Variants in SCHIP1 observed in about 807,000 individuals in gnomAD.
SCHIP1 encodes the protein schwannomin interacting protein 1, also known as schwannomin-interacting protein 1.
Under a neutral mutation model 29.7 loss-of-function variants are expected in SCHIP1, and 8 were observed. The ratio of observed to expected loss-of-function variants is 0.27; its 90% CI spans 0.16 to 0.49. SCHIP1 has a LOEUF of 0.49. SCHIP1 is among the 20% of genes least tolerant of loss of function. The pLI is 0.99. For missense variants in SCHIP1, 193 were observed against 294.6 expected (o/e 0.66, Z 2.52); for synonymous variants, 76 against 94.9 (o/e 0.80, Z 1.16).
At chr3:159,876,274 C>A (rs1296904795) in intron 2 of SCHIP1, among the ~76,000 whole-genome samples, 1 of 152,158 alleles carries the variant, frequency 6.6e-6, no homozygotes. Context: ...CACTTATCAA[C>A]ATGTTTCGGG....
the SCHIP1 span, among the ~76,000 whole-genome samples, chr3:159,629,376 C>T: frequency 6.6e-6 from 1 of 152,182 alleles, no homozygotes; most frequent in Non-Finnish European, 1.5e-5. Flanking sequence ...ATTTGCTTTT[C>T]CAAAGATGAG....
the SCHIP1 span, among the ~76,000 whole-genome samples, chr3:159,372,165 C>CTGT: frequency 6.6e-6 from 1 of 152,024 alleles, no homozygotes; most frequent in African/African-American, 2.4e-5. Context: ...TAATTAAAAG[C>CTGT]TGTTATCTCT....
chr3:159,355,011 G>A, the SCHIP1 span, among the ~76,000 whole-genome samples: 1 of 152,062 alleles, frequency 6.6e-6, no homozygotes, highest in Non-Finnish European at 1.5e-5. Flanking sequence ...CTAAACTTTT[G>A]GCTGTATTTA....
At chr3:159,672,273 A>G in the SCHIP1 span, among the ~76,000 whole-genome samples, 1 of 152,240 alleles carries the variant, frequency 6.6e-6, no homozygotes, top group East Asian at 1.9e-4. Flanking sequence ...CAATTCTTGG[A>G]ACATAGTAAG....
At chr3:159,432,016 T>A in the SCHIP1 span, among the ~76,000 whole-genome samples, 1 of 152,038 alleles carries the variant, frequency 6.6e-6, no homozygotes, top group African/African-American at 2.4e-5. Flanking sequence ...ACTATAAGCA[T>A]TTATTATCTC....
At chr3:159,699,145 A>G in the SCHIP1 span, among the ~76,000 whole-genome samples, 7 of 152,218 alleles carry the variant, frequency 4.6e-5, no homozygotes, top group Admixed American at 4.6e-4. Flanking sequence ...TGAGTATGGG[A>G]ATATGCTAAC....
chr3:159,438,226 G>A, the SCHIP1 span, among the ~76,000 whole-genome samples: 2 of 152,074 alleles, frequency 1.3e-5, no homozygotes, highest in South Asian at 4.1e-4. Flanking sequence ...TATAGGGCTG[G>A]GATTAAGCCC....
chr3:159,545,434 G>A, the SCHIP1 span, among the ~76,000 whole-genome samples: 1 of 151,764 alleles, frequency 6.6e-6, no homozygotes, highest in African/African-American at 2.4e-5. Flanking sequence ...TCTAGTGCTG[G>A]ATGCTTCCTG....
chr3:159,637,371 CCACACACACACACACACACACA>C, the SCHIP1 span, among the ~76,000 whole-genome samples: 22 of 134,660 alleles, frequency 1.6e-4, no homozygotes, highest in South Asian at 5.4e-4. Flanking sequence ...CCGGCCCCAG[CCACACACACACACACACACACA>C]CACACACACA....
chr3:159,274,017 T>A, the SCHIP1 span: 1 of 1,485,192 alleles, frequency 6.7e-7, no homozygotes, highest in East Asian at 2.5e-5. Flanking sequence ...AAATTCAGAA[T>A]TAAGCATTTA....
chr3:159,569,333 A>G, the SCHIP1 span, among the ~76,000 whole-genome samples: 1 of 151,980 alleles, frequency 6.6e-6, no homozygotes, highest in African/African-American at 2.4e-5. Context: ...CCACACACCA[A>G]CAGGCCCCAG....
the SCHIP1 span, among the ~76,000 whole-genome samples, chr3:159,641,847 A>T: frequency 1.5e-4 from 23 of 152,176 alleles, no homozygotes; most frequent in African/African-American, 5.1e-4. Context: ...ATTGTAGTAC[A>T]AAGGAAGTCC....
At chr3:159,483,961 AAT>A in the SCHIP1 span, among the ~76,000 whole-genome samples, 1 of 152,296 alleles carries the variant, frequency 6.6e-6, no homozygotes, top group South Asian at 2.1e-4. Flanking sequence ...TTAAAAAAAC[AAT>A]ATTTTCATCT....
the SCHIP1 span, among the ~76,000 whole-genome samples, chr3:159,830,512 A>ATT: frequency 1.7e-3 from 263 of 152,346 alleles, 1 homozygote; most frequent in African/African-American, 6.2e-3. Flanking sequence ...GAATAGTCCA[A>ATT]ACTTCTGAGT....
At chr3:159,852,566 C>A (rs1197710250) in intron 1 of SCHIP1, among the ~76,000 whole-genome samples, 1 of 152,146 alleles carries the variant, frequency 6.6e-6, no homozygotes, top group Non-Finnish European at 1.5e-5. Context: ...GTAAAGAGAG[C>A]AGCAGAAAAG....
chr3:159,317,774 CA>C, the SCHIP1 span, among the ~76,000 whole-genome samples: 1 of 152,190 alleles, frequency 6.6e-6, no homozygotes, highest in Non-Finnish European at 1.5e-5. Context: ...AATACTATGA[CA>C]GTGGACAAGA....
At chr3:159,433,899 C>G in the SCHIP1 span, among the ~76,000 whole-genome samples, 1 of 152,116 alleles carries the variant, frequency 6.6e-6, no homozygotes, top group Non-Finnish European at 1.5e-5. Flanking sequence ...TGATAAACAC[C>G]TGTCCCCATT....
intron 2 of SCHIP1, among the ~76,000 whole-genome samples, chr3:159,879,244 G>C (rs1386226829): frequency 6.7e-6 from 1 of 149,914 alleles, no homozygotes; most frequent in Non-Finnish European, 1.5e-5. Context: ...TTTTTGTTTT[G>C]GTTTTGTTTT....
chr3:159,626,841 A>G, the SCHIP1 span, among the ~76,000 whole-genome samples: 2 of 152,186 alleles, frequency 1.3e-5, no homozygotes, highest in African/African-American at 2.4e-5. Flanking sequence ...TGTCCTAGAC[A>G]AAACAGTATT....
Sources: gnomAD v4.1 joint callset for allele counts (sites outside exome capture counted in the v4.1 genomes callset) on GRCh38, gnomAD v4.1.1 for gene constraint, MANE v1.5 for transcripts, NCBI Gene and HGNC (gene_info 2026-07-23, HGNC 2026-07-21) for gene names.